The following RARB variants were observed in gnomAD, a reference collection of about 807,000 sequenced individuals.
The protein encoded by RARB is retinoic acid receptor beta.
Under a neutral mutation model 51.9 loss-of-function variants are expected in RARB, and 17 were observed. That is an observed-to-expected ratio of 0.33 (90% CI 0.22 to 0.49). RARB has a LOEUF of 0.49. Among genes scored for constraint, RARB ranks in the 20% least tolerant of loss-of-function variants. The pLI, the probability that RARB is intolerant of heterozygous loss-of-function variation, is 0.99. For missense variants in RARB, 369 were observed against 550.8 expected (o/e 0.67, Z 3.30); for synonymous variants, 215 against 195.4 (o/e 1.10, Z -0.84).
rs1190030448 is a variant in RARB at position 25,597,323 on chromosome 3, CAGTT to C, written c.*709_*712del. On this transcript the variant is annotated 3_prime_UTR_variant, in exon 8 of 8. Coordinates refer to ENST00000330688, the MANE Select transcript of RARB (RefSeq NM_000965.5). ...TTCTGTATCAGTGTAACTGCCAGTT[CAGTT>C]AATCAAATGTCATTTGTTCAATTGT... 1.3e-5 allele frequency: 2 copies of C among 152,546 alleles called. No individual in the cohort carries two copies. The highest frequency in any genetic ancestry group is 6.5e-5 in the Admixed American group (1 of 15,280). The allele number at this position is 152,546 out of a possible 1,614,324, so 9.4% of individuals were successfully genotyped here. A position where few individuals can be genotyped will look rare whatever the true frequency, so the allele number is the denominator to read the frequency against.
At chr3:24,979,561 C>T (rs1261837091) in intron 2 of RARB, among the ~76,000 whole-genome samples, 1 of 151,840 alleles carries the variant, frequency 6.6e-6, no homozygotes, top group African/African-American at 2.4e-5. Flanking sequence ...GATTGCAACT[C>T]CTCCTGTTTT....
intron 5 of RARB, among the ~76,000 whole-genome samples, chr3:25,592,651 C>T (rs1271262232): frequency 1.3e-5 from 2 of 152,204 alleles, no homozygotes; most frequent in East Asian, 1.9e-4. Flanking sequence ...TAGTAGCTAG[C>T]GCCCCAGGGG....
intron 2 of RARB, among the ~76,000 whole-genome samples, chr3:24,974,154 A>G (rs942573346): frequency 6.6e-6 from 1 of 152,094 alleles, no homozygotes; most frequent in Admixed American, 6.6e-5. Context: ...TGGTTTTAAC[A>G]TAAAGTGATG....
Position 25,003,194 on chromosome 3 carries a change from CA to C in RARB, c.-379-56916del, listed in dbSNP as rs565249387. Among the ~76,000 whole-genome samples the C allele has an allele frequency of 1.0e-2, 893 of 89,414 alleles. 5 individuals are homozygous for C. Among genetic ancestry groups the C allele is most frequent in the East Asian group, 0.091 (309 of 3,408 alleles). 58.7% of individuals were successfully genotyped at this position (89,414 alleles called of 152,430 possible). ...TGTTCTAAGGCAAAAGATCATAATGCAAAAAAAAAAAAAAACTGCTTTTGAA... is the reference window on the plus strand; with the variant it reads ...TGTTCTAAGGCAAAAGATCATAATGCAAAAAAAAAAAAAACTGCTTTTGAA... On this transcript the variant is annotated intron_variant, in intron 2 of 11. Coordinates refer to the RARB transcript ENST00000383772.
intron 1 of RARB, among the ~76,000 whole-genome samples, chr3:24,849,145 C>T (rs549109353): frequency 8.5e-5 from 13 of 152,060 alleles, no homozygotes; most frequent in Middle Eastern, 3.4e-3. Flanking sequence ...AAGTTTATGA[C>T]GTTTAATTTA....
rs190226155 is a variant in RARB at position 25,043,777 on chromosome 3, G to A, written c.-379-16348G>A. Among the ~76,000 whole-genome samples, 857 of 152,288 alleles carry A rather than the reference G, an allele frequency of 5.6e-3. 19 individuals are homozygous for A. Among genetic ancestry groups the A allele is most frequent in the Admixed American group, 0.04 (614 of 15,290 alleles). On this transcript the variant is annotated intron_variant, in intron 2 of 11. Coordinates refer to the RARB transcript ENST00000383772. ...CCCTAAGATGCCGAAGTCACCGATA[G>A]TTCAGAAAAGGATAGAAAACTTCAG... is the stretch of plus-strand genomic sequence containing the variant.
intron 3 of RARB, among the ~76,000 whole-genome samples, chr3:25,542,390 C>T (rs902451093): frequency 6.6e-6 from 1 of 152,178 alleles, no homozygotes; most frequent in Non-Finnish European, 1.5e-5. Context: ...CATCCTATCA[C>T]AATTAAACCC....
intron 5 of RARB, among the ~76,000 whole-genome samples, chr3:25,378,911 AG>A (rs1418083697): frequency 9.2e-5 from 14 of 152,254 alleles, no homozygotes; most frequent in African/African-American, 3.4e-4. Context: ...ATCAGACAAA[AG>A]GGATCAATGA....
At chr3:24,882,906 T>G (rs535639634) in intron 2 of RARB, among the ~76,000 whole-genome samples, 2 of 152,136 alleles carry the variant, frequency 1.3e-5, no homozygotes, top group Admixed American at 6.5e-5. Flanking sequence ...GTTGGGAGAG[T>G]CTTCACTGGT....
rs574355933 is a variant in RARB at position 25,240,840 on chromosome 3, G to A, written c.178+66265G>A. Among the ~76,000 whole-genome samples the A allele has an allele frequency of 2.0e-5, 3 of 152,096 alleles. No homozygotes were observed. In the East Asian group the frequency reaches 5.8e-4, roughly 29 times the overall value. On this transcript the variant is annotated intron_variant, in intron 5 of 11. Transcript: ENST00000383772. ...CTGGTTTTTGTATCAGGGTAATTTT[G>A]GCTTTGTAGAATGAATTAGAGAAAA...
At chr3:25,146,542 C>G (rs1233078714) in intron 4 of RARB, among the ~76,000 whole-genome samples, 5 of 131,020 alleles carry the variant, frequency 3.8e-5, no homozygotes, top group Admixed American at 2.0e-4. Context: ...GAGTCTCGCT[C>G]TGTTGCCCAG....
At chr3:25,408,895 G>A (rs550261572) in intron 5 of RARB, among the ~76,000 whole-genome samples, 328 of 152,198 alleles carry the variant, frequency 2.2e-3, no homozygotes, top group South Asian at 6.0e-3. Context: ...TTAGCTGGGC[G>A]TGGTGACAGG....
chr3:25,257,248 G>A (rs554168179), intron 5 of RARB, among the ~76,000 whole-genome samples: 2 of 152,246 alleles, frequency 1.3e-5, no homozygotes, highest in South Asian at 2.1e-4. Flanking sequence ...ACTTGGAGGA[G>A]TGTGCTCCAT....
chr3:25,571,752 C>T (rs1280746966), intron 4 of RARB, among the ~76,000 whole-genome samples: 1 of 152,198 alleles, frequency 6.6e-6, no homozygotes. Flanking sequence ...CCTCAGTTTT[C>T]CCATCTCTAA....
At chr3:25,243,427 G>A (rs1006510086) in intron 5 of RARB, among the ~76,000 whole-genome samples, 1 of 152,064 alleles carries the variant, frequency 6.6e-6, no homozygotes, top group Admixed American at 6.6e-5. Flanking sequence ...CCCATTCAGT[G>A]TGATATTGGC....
At chr3:24,929,360 G>T (rs1695393899) in intron 2 of RARB, among the ~76,000 whole-genome samples, 2 of 152,000 alleles carry the variant, frequency 1.3e-5, no homozygotes, top group South Asian at 4.1e-4. Context: ...ATTATAGGAA[G>T]ATCTAACCAT....
chr3:24,969,552 T>C (rs4299446), intron 2 of RARB, among the ~76,000 whole-genome samples: 139,891 of 152,188 alleles, frequency 0.92, 64,518 homozygotes, highest in East Asian at 1. Flanking sequence ...TGTGAGGTTA[T>C]TCTGTCTCTT....
At chr3:25,201,174 T>A (rs1205506338) in intron 5 of RARB, among the ~76,000 whole-genome samples, 1 of 152,190 alleles carries the variant, frequency 6.6e-6, no homozygotes, top group Non-Finnish European at 1.5e-5. Flanking sequence ...TCCTGGGTAT[T>A]TTATTCTCTT....
At chr3:24,961,818 C>T (rs1299790927) in intron 2 of RARB, among the ~76,000 whole-genome samples, 1 of 150,428 alleles carries the variant, frequency 6.6e-6, no homozygotes, top group Non-Finnish European at 1.5e-5. Context: ...ACACCCTGTA[C>T]ATCTGTACAT....
Sources: allele counts gnomAD v4.1 joint callset (sites outside exome capture counted in the v4.1 genomes callset), GRCh38; gene constraint gnomAD v4.1.1; transcripts MANE v1.5; gene names NCBI Gene and HGNC (gene_info 2026-07-23, HGNC 2026-07-21).